PKD1L1: variants seen among roughly 807,000 people sequenced by gnomAD.
PKD1L1 encodes polycystin-1-like protein 1.
Under a neutral mutation model 323.4 loss-of-function variants are expected in PKD1L1, and 236 were observed. The observed-to-expected ratio is 0.73, with a 90% CI of 0.66 to 0.81. The LOEUF (loss-of-function observed/expected upper bound fraction) is 0.81, where lower values mean the gene tolerates loss of function less well. Ranked by LOEUF, PKD1L1 falls within the 40% of genes least tolerant of loss-of-function variation. The pLI, the probability that PKD1L1 is intolerant of heterozygous loss-of-function variation, is 0.00. For synonymous variants in PKD1L1, 1,344 were observed against 1,335.0 expected, an observed-to-expected ratio of 1.01 and a Z score of -0.15; for missense variants, 3,320 against 3,508.0, an observed-to-expected ratio of 0.95 and a Z score of 1.35.
chr7:47,811,788 C>T (rs1250530549), intron 50 of PKD1L1, 29 bp downstream of exon 50: 2 of 1,550,762 alleles, frequency 1.3e-6, no homozygotes, highest in Admixed American at 3.7e-5. Flanking sequence ...TGTGCACCTC[C>T]AGGAGGCCCA....
chr7:47,830,348 G>T (rs1170151770), intron 42 of PKD1L1, among the ~76,000 whole-genome samples: 1 of 152,212 alleles, frequency 6.6e-6, no homozygotes, highest in African/African-American at 2.4e-5. Context: ...GCTGCCTAGT[G>T]GGAAAGAGAA....
rs770730564 is a variant in PKD1L1 at position 47,813,168 on chromosome 7, C to T, written c.7299G>A (p.Gly2433=). Residue 2433 remains glycine (G), a synonymous_variant, in exon 49 of 57, where the codon GGG becomes GGA. Transcript: ENST00000289672. The part of the protein sequence containing the change: ...ENQNVTLNGP[G]GCGTREDCVL... ...CACAGTCCTCCCTTGTCCCACAGCC[C>T]CCAGGACCATTCAGGGTCACGTTTT... 1.2e-6 allele frequency: 2 copies of T among 1,614,132 alleles called. No individual in the cohort carries two copies. Among genetic ancestry groups the T allele is most frequent in the Admixed American group, 1.7e-5 (1 of 60,030 alleles).
intron 9 of PKD1L1, 77 bp from the exon 10 acceptor site, chr7:47,906,039 A>AT: frequency 7.5e-7 from 1 of 1,329,812 alleles, no homozygotes; most frequent in East Asian, 2.8e-5. Context: ...CACAGTCAGT[A>AT]TTTTTCATTT....
chr7:47,880,596 T>C (rs1254572469), intron 21 of PKD1L1, 132 bp downstream of exon 21: 3 of 457,122 alleles, frequency 6.6e-6, no homozygotes, highest in Non-Finnish European at 1.1e-5. Flanking sequence ...ATATATGTAA[T>C]TTTTTAAAAA....
intron 56 of PKD1L1, among the ~76,000 whole-genome samples, chr7:47,780,301 C>T (rs61546159): frequency 3.3e-5 from 5 of 152,252 alleles, no homozygotes; most frequent in African/African-American, 9.6e-5. Flanking sequence ...CTGGCAACCA[C>T]GAACTGCTTC....
At chr7:47,813,774 C>T (rs933873339) in intron 48 of PKD1L1, among the ~76,000 whole-genome samples, 157 bp downstream of exon 48, 3 of 152,186 alleles carry the variant, frequency 2.0e-5, no homozygotes, top group Non-Finnish European at 2.9e-5. Flanking sequence ...GAAGGAAGGG[C>T]GAGGCTCGCC....
chr7:47,879,200 A>G (rs2128746096), intron 21 of PKD1L1, among the ~76,000 whole-genome samples: 1 of 152,364 alleles, frequency 6.6e-6, no homozygotes, highest in African/African-American at 2.4e-5. Flanking sequence ...CAGCCCAGCC[A>G]GTTCTCAGGA....
Position 47,800,680 on chromosome 7 carries a change from AAAAGGATCCC to A in PKD1L1, c.8152_8161del (p.Gly2718Ter). 1 of 1,614,214 alleles carries A rather than the reference AAAAGGATCCC, an allele frequency of 6.2e-7. No homozygotes were observed. Among genetic ancestry groups the A allele is most frequent in the African/African-American group, 1.3e-5 (1 of 75,066 alleles). ...AAAACACAGTGTGGCAGAGACTATT[AAAAGGATCCC>A]AAAGTAACAAGCCATGGCCCGCTGG... On this transcript the variant is annotated frameshift_variant, in exon 54 of 57. Coordinates refer to ENST00000289672, the MANE Select transcript of PKD1L1 (RefSeq NM_138295.5). LOFTEE classifies it high-confidence loss of function.
intron 7 of PKD1L1, among the ~76,000 whole-genome samples, chr7:47,924,638 T>G (rs1032011710): frequency 2.6e-5 from 4 of 152,202 alleles, no homozygotes; most frequent in Non-Finnish European, 5.9e-5. Context: ...GCTTTAATCT[T>G]CAGACATGGA....
rs1161998087 is a variant in PKD1L1 at position 47,833,150 on chromosome 7, C to T, written c.6277G>A (p.Ala2093Thr). ...CPAPKLQVHGADHSRTSLMGK... is the reference protein window; with the variant it reads ...CPAPKLQVHGTDHSRTSLMGK... ...ATCAGAGAAGTCCTGCTGTGGTCAG[C>T]CCCATGAACCTGCAGCTTAGGGGCT... The change falls in exon 41 of 57, where the codon GCT becomes ACT. Residue 2093 changes from alanine to threonine, a missense_variant. Ala to Thr is a moderately conservative substitution (Grantham distance 58). Coordinates refer to ENST00000289672, the MANE Select transcript of PKD1L1 (RefSeq NM_138295.5). The T allele has an allele frequency of 3.7e-6, 6 of 1,612,448 alleles. No individual in the cohort carries two copies. In the Admixed American group the frequency reaches 5.0e-5, roughly 13 times the overall value.
chr7:47,925,729 A>G (rs1009265247), intron 7 of PKD1L1, among the ~76,000 whole-genome samples: 4 of 152,152 alleles, frequency 2.6e-5, no homozygotes, highest in South Asian at 2.1e-4. Flanking sequence ...TAGCAATAAG[A>G]TACCAACATG....
chr7:47,897,385 T>A (rs1465159208), intron 14 of PKD1L1, among the ~76,000 whole-genome samples: 1 of 152,262 alleles, frequency 6.6e-6, no homozygotes, highest in East Asian at 1.9e-4. Flanking sequence ...CACCAGGTTC[T>A]GCTCATTATC....
At chr7:47,953,462 C>T (rs184483097), upstream of PKD1L1, among the ~76,000 whole-genome samples, 65 of 152,284 alleles carry the variant, frequency 4.3e-4, 1 homozygote, top group Admixed American at 2.4e-3. Context: ...GAGCCCAGAT[C>T]GTATGATGGT....
chr7:47,842,710 G>C (rs1785587050), intron 34 of PKD1L1, among the ~76,000 whole-genome samples: 1 of 152,136 alleles, frequency 6.6e-6, no homozygotes, highest in Non-Finnish European at 1.5e-5. Flanking sequence ...ATCTCCCCGG[G>C]CTGCTTTCCA....
In PKD1L1 at chr7:47,839,691, C is replaced by A; in HGVS notation, c.5553-29G>T. The A allele has an allele frequency of 6.5e-7, 1 of 1,547,922 alleles. No homozygotes were observed. Among genetic ancestry groups the A allele is most frequent in the South Asian group, 1.2e-5 (1 of 83,644 alleles). ...GAGGCACACACAGCAGCATCTCAGC[C>A]GGGTGGGTGACAGTGTGGTCCTGGC... On this transcript the variant is annotated intron_variant, in intron 35 of 56. Transcript: ENST00000289672. The surrounding 1 kb of genome is among the most constrained non-coding windows in gnomAD (Gnocchi z 4.3).
chr7:47,900,480 G>A (rs116373453), intron 13 of PKD1L1, among the ~76,000 whole-genome samples: 2,174 of 152,288 alleles, frequency 0.014, 50 homozygotes, highest in African/African-American at 0.049. Context: ...GTGGCTCATC[G>A]CACATTGGGA....
In PKD1L1 at chr7:47,840,487, C is replaced by T. The variant is rs867840591; in HGVS notation, c.5526G>A (p.Arg1842=). The change falls in exon 35 of 57, where the codon AGG becomes AGA. Residue 1842 remains arginine, a synonymous_variant. Coordinates refer to ENST00000289672, the MANE Select transcript of PKD1L1 (RefSeq NM_138295.5). The surrounding 1 kb of genome is among the most constrained non-coding windows in gnomAD (Gnocchi z 4.1). ...TCAGGATAAAGGTGTGTCTGGAATTCCTTTCAAACAGGGGCTTCTCTGGAC... is the reference window on the plus strand; with the variant it reads ...TCAGGATAAAGGTGTGTCTGGAATTTCTTTCAAACAGGGGCTTCTCTGGAC... The part of the protein sequence containing the change: ...LSCPEKPLFE[R]NSRHTFILSA... The T allele has an allele frequency of 6.2e-7, 1 of 1,614,044 alleles. No individual in the cohort carries two copies.
Position 47,815,337 on chromosome 7 carries a change from A to T in PKD1L1, c.7086T>A (p.Ala2362=), listed in dbSNP as rs1159605062. The T allele has an allele frequency of 1.2e-6, 2 of 1,613,656 alleles. No individual in the cohort carries two copies. The highest frequency in any genetic ancestry group is 8.5e-7 in the Non-Finnish European group (1 of 1,179,912). ...GAAGAGGAGACGGAAAGCTCACCTG[A>T]GCCCCCGGCACACGGGCTGACGGGG... ...GGTPSARVPG[A]QPGALGGKCY... is the part of the protein sequence containing the mutation. The change falls in exon 47 of 57, where the codon GCT becomes GCA. Residue 2362 remains alanine (A), a synonymous_variant. Transcript: ENST00000289672.
chr7:47,895,019 T>C (rs1446925305), intron 14 of PKD1L1, among the ~76,000 whole-genome samples: 2 of 152,156 alleles, frequency 1.3e-5, no homozygotes, highest in Admixed American at 6.6e-5. Flanking sequence ...AGCTGTAGGA[T>C]TAGAACTCTC....
Sources: gnomAD v4.1 joint callset for allele counts (sites outside exome capture counted in the v4.1 genomes callset) on GRCh38, gnomAD v4.1.1 for gene constraint, Gnocchi (gnomAD v3.1) non-coding constraint, MANE v1.5 for transcripts, NCBI Gene and HGNC (gene_info 2026-07-23, HGNC 2026-07-21) for gene names.